CLUL1: variants seen among roughly 807,000 people sequenced by gnomAD.
CLUL1 encodes clusterin-like protein 1.
In CLUL1, 43 loss-of-function variants were observed where a neutral mutation model predicts 49.4. The ratio of observed to expected loss-of-function variants is 0.87; its 90% confidence interval spans 0.68 to 1.12. The LOEUF is 1.12. Ranked by LOEUF, CLUL1 falls within the 50% of genes most tolerant of loss-of-function variation. The probability of loss-of-function intolerance (pLI) is 0.00; values close to 1 mark genes in which losing one functional copy is unlikely to be tolerated. For missense variants in CLUL1, 486 were observed against 544.4 expected (o/e 0.89, Z 1.07); for synonymous variants, 192 against 184.9 (o/e 1.04, Z -0.31).
intron 7 of CLUL1, among the ~76,000 whole-genome samples, chr18:633,829 AATGAATCAGGGCGGAGCGTGTAATC>A (rs2074061463): frequency 8.6e-6 from 1 of 116,096 alleles, no homozygotes; most frequent in Admixed American, 8.1e-5. Context: ...GTGTAATCGG[AATGAATCAGGGCGGAGCGTGTAATC>A]GGAATGAATC....
At chr18:603,181 G>A (rs547347700) in intron 1 of CLUL1, among the ~76,000 whole-genome samples, 1 of 152,156 alleles carries the variant, frequency 6.6e-6, no homozygotes, top group Non-Finnish European at 1.5e-5. Flanking sequence ...CATCAGCTGG[G>A]AACTTGTTAG....
chr18:610,634 C>T lies in CLUL1; in HGVS notation c.-14+3535C>T, dbSNP rs11875128. 5.0e-3 allele frequency among the ~76,000 whole-genome samples: 759 copies of T among 152,188 alleles called. 8 individuals are homozygous for T. The highest frequency in any genetic ancestry group is 0.02 in the Middle Eastern group (6 of 294). ...AGCCCCAGGGAAGAGAAACATCTGA[C>T]GGAGGACAGAGGAAGAAGGGTCAGG... On this transcript the variant is annotated intron_variant, in intron 2 of 9. Coordinates refer to ENST00000692774, the MANE Select transcript of CLUL1 (RefSeq NM_001393344.1).
chr18:626,887 GAAA>G (rs2073749622), intron 5 of CLUL1, among the ~76,000 whole-genome samples: 1 of 2,710 alleles, frequency 3.7e-4, no homozygotes, highest in Admixed American at 4.8e-3. Flanking sequence ...AAGAAAGAAA[GAAA>G]GAAAGAAAGA....
intron 1 of CLUL1, among the ~76,000 whole-genome samples, chr18:601,338 T>C (rs2072534650): frequency 6.6e-6 from 1 of 152,118 alleles, no homozygotes; most frequent in African/African-American, 2.4e-5. Flanking sequence ...TCTTGTGCTG[T>C]TGTCATCTGA....
At chr18:630,672 CTTTTTTTTTTTTTTTTTTT>C (rs36222515) in intron 6 of CLUL1, among the ~76,000 whole-genome samples, 1 of 61,998 alleles carries the variant, frequency 1.6e-5, no homozygotes, top group African/African-American at 7.2e-5. Context: ...CTACTGACAT[CTTTTTTTTTTTTTTTTTTT>C]TTTTTTTTTT....
intron 1 of CLUL1, among the ~76,000 whole-genome samples, chr18:605,826 G>A (rs764029388): frequency 1.3e-5 from 2 of 151,950 alleles, no homozygotes; most frequent in African/African-American, 4.8e-5. Context: ...ACAGGTGTGC[G>A]CCACCATGTC....
intron 2 of CLUL1, among the ~76,000 whole-genome samples, chr18:617,094 T>G (rs2073310997): frequency 6.6e-6 from 1 of 152,230 alleles, no homozygotes; most frequent in Non-Finnish European, 1.5e-5. Flanking sequence ...TTTTAACCTC[T>G]GTATTTAGAA....
At chr18:637,899 G>T (rs1324939450) in intron 7 of CLUL1, among the ~76,000 whole-genome samples, 4 of 151,920 alleles carry the variant, frequency 2.6e-5, no homozygotes, top group African/African-American at 4.8e-5. Flanking sequence ...GCTTGAACCT[G>T]GGAGGCAGAG....
intron 2 of CLUL1, among the ~76,000 whole-genome samples, chr18:609,357 C>CAT (rs1192246377): frequency 6.6e-6 from 1 of 152,100 alleles, no homozygotes; most frequent in African/African-American, 2.4e-5. Context: ...AAAAATATGA[C>CAT]ATATATATCT....
At chr18:623,356 A>G (rs1407592667) in intron 4 of CLUL1, among the ~76,000 whole-genome samples, 1 of 152,138 alleles carries the variant, frequency 6.6e-6, no homozygotes, top group East Asian at 1.9e-4. Flanking sequence ...TTTAAGATGT[A>G]AGATTCAGCC....
chr18:629,382 A>G (rs1378920583), intron 6 of CLUL1, among the ~76,000 whole-genome samples: 1 of 152,234 alleles, frequency 6.6e-6, no homozygotes, highest in Non-Finnish European at 1.5e-5. Flanking sequence ...TCATTAGAAC[A>G]AAAGGGCTCC....
At position 650,116 on chromosome 18, in the gene CLUL1, C is replaced by T. The variant is rs1043327849; in HGVS notation, c.*215C>T. On this transcript the variant is annotated 3_prime_UTR_variant, in exon 10 of 10. Transcript: ENST00000692774. ...GAAAATTCCTCCTTAAAAAATCAAA[C>T]GTAATATGTATTACATTTCATGGTA... 4 of 406,726 alleles carry T rather than the reference C, an allele frequency of 9.8e-6. No individual in the cohort carries two copies. Among genetic ancestry groups the T allele is most frequent in the Admixed American group, 4.4e-5 (1 of 22,860 alleles). The allele number at this position is 406,726 out of a possible 1,614,324, so 25.2% of individuals were successfully genotyped here.
intron 2 of CLUL1, among the ~76,000 whole-genome samples, chr18:610,566 G>C (rs371711079): frequency 6.6e-6 from 1 of 152,230 alleles, no homozygotes; most frequent in African/African-American, 2.4e-5. Context: ...TAACTTCATC[G>C]AAAGAGAGTT....
chr18:622,147 GTCTCC>G (rs902482987), intron 4 of CLUL1, among the ~76,000 whole-genome samples: 4 of 152,100 alleles, frequency 2.6e-5, no homozygotes, highest in African/African-American at 9.7e-5. Context: ...AGCAACCCTA[GTCTCC>G]CAGTATTGAG....
chr18:610,449 T>TG (rs146214421), intron 2 of CLUL1, among the ~76,000 whole-genome samples: 14,534 of 151,998 alleles, frequency 0.096, 822 homozygotes, highest in African/African-American at 0.14. Context: ...AGGGCGAGCT[T>TG]AGGGGAAAAA....
intron 1 of CLUL1, among the ~76,000 whole-genome samples, chr18:601,495 A>C (rs2072827854): frequency 6.6e-6 from 1 of 152,082 alleles, no homozygotes; most frequent in Non-Finnish European, 1.5e-5. Context: ...AAAAATACAA[A>C]AATTAGTTGT....
At chr18:608,712 T>C (rs1181243328) in intron 2 of CLUL1, among the ~76,000 whole-genome samples, 1 of 150,906 alleles carries the variant, frequency 6.6e-6, no homozygotes, top group East Asian at 1.9e-4. Context: ...AGTGAGACTC[T>C]GTCTCTAAAC....
intron 7 of CLUL1, among the ~76,000 whole-genome samples, chr18:637,147 CG>C (rs1216948553): frequency 2.0e-5 from 3 of 151,928 alleles, no homozygotes; most frequent in African/African-American, 7.3e-5. Flanking sequence ...CCACCATGCC[CG>C]GCTAAATTTT....
At chr18:620,514 A>T (rs566392963) in intron 4 of CLUL1, among the ~76,000 whole-genome samples, 2 of 152,306 alleles carry the variant, frequency 1.3e-5, no homozygotes, top group Admixed American at 6.5e-5. Flanking sequence ...AGAGCAAGGG[A>T]ACTATAGTTG....
Sources: allele counts gnomAD v4.1 joint callset (sites outside exome capture counted in the v4.1 genomes callset), GRCh38; gene constraint gnomAD v4.1.1; transcripts MANE v1.5; gene names NCBI Gene and HGNC (gene_info 2026-07-23, HGNC 2026-07-21).